Variants in CDK11B observed in about 807,000 individuals in gnomAD.
The protein encoded by CDK11B is cyclin dependent kinase 11B, also known as cyclin-dependent kinase 11B.
A neutral mutation model predicts 84.0 loss-of-function variants in CDK11B; 37 were observed. That is an observed-to-expected ratio of 0.44 (90% CI 0.34 to 0.58). The LOEUF is 0.58. Ranked by LOEUF, CDK11B falls within the 20% of genes least tolerant of loss-of-function variation. The probability of loss-of-function intolerance (pLI) is 0.02; values close to 1 mark genes in which losing one functional copy is unlikely to be tolerated. For synonymous variants in CDK11B, 269 were observed against 309.8 expected (o/e 0.87, Z 1.38); for missense variants, 427 against 834.0 (o/e 0.51, Z 6.01).
In CDK11B at chr1:1,640,269, G is replaced by A; in HGVS notation, c.1251+8C>T. 1.2e-6 allele frequency: 2 copies of A among 1,613,152 alleles called. No homozygotes were observed. The highest frequency in any genetic ancestry group is 2.2e-5 in the South Asian group (2 of 91,020). On this transcript the variant is annotated splice_region_variant and intron_variant, in intron 11 of 19. Transcript: ENST00000341832. ...GGACAGTGGCCCGGGGCGAGGGGAG[G>A]GCCTGACCTGCAGGGCCGGCAGGTA...
intron 9 of CDK11B, among the ~76,000 whole-genome samples, chr1:1,641,342 C>T (rs879073581): frequency 2.1e-5 from 3 of 141,398 alleles, no homozygotes; most frequent in South Asian, 2.3e-4. Flanking sequence ...AACCCCGTCT[C>T]GACTAAAAAT....
chr1:1,658,951 G>T lies in CDK11B; in HGVS notation c.-51C>A. On this transcript the variant is annotated 5_prime_UTR_variant, in exon 1 of 20. Transcript: ENST00000341832. ...GCCGCTGCCGCCGCCGCCGCCGCCG[G>T]TCCCGGAGCCAGAGAAGAAACAGCA... 4.9e-6 allele frequency: 1 copy of T among 205,898 alleles called. No individual in the cohort carries two copies. The highest frequency in any genetic ancestry group is 5.9e-5 in the South Asian group (1 of 17,082). 12.8% of individuals were successfully genotyped at this position (205,898 alleles called of 1,614,324 possible).
intron 5 of CDK11B, among the ~76,000 whole-genome samples, chr1:1,648,126 T>G (rs1641412607): frequency 6.6e-6 from 1 of 152,270 alleles, no homozygotes; most frequent in South Asian, 2.1e-4. Flanking sequence ...ACGTAGCATA[T>G]GCTACCATAC....
intron 9 of CDK11B, 46 bp from the exon 10 acceptor site, chr1:1,641,159 T>A: frequency 6.7e-7 from 1 of 1,500,302 alleles, no homozygotes; most frequent in Non-Finnish European, 8.9e-7. Flanking sequence ...CCGGGGCGAG[T>A]GCTGCCACAG....
intron 5 of CDK11B, among the ~76,000 whole-genome samples, chr1:1,648,270 C>T (rs569084188): frequency 1.4e-4 from 21 of 152,218 alleles, no homozygotes; most frequent in African/African-American, 4.6e-4. Context: ...CCAACCTCCA[C>T]TTCTATCCCA....
intron 5 of CDK11B, among the ~76,000 whole-genome samples, chr1:1,647,995 C>T (rs868656117): frequency 1.3e-5 from 2 of 152,294 alleles, no homozygotes; most frequent in Non-Finnish European, 2.9e-5. Context: ...ACCCACAGCT[C>T]AGCAGTTTTC....
In CDK11B at chr1:1,637,170, G is replaced by C. The variant is rs1339904146; in HGVS notation, c.1603C>G (p.Arg535Gly). ...EVKTLMIQLL[R>G]GVKHLHDNWI... ...TTGTCGTGCAGGTGTTTCACCCCAC[G>C]CAGCAGCTGGATCATCAGGGTCTTC... Residue 535 changes from arginine (R) to glycine (G), a missense_variant, in exon 15 of 20, where the codon CGT (arginine) becomes GGT (glycine). Coordinates refer to ENST00000341832, the MANE Select transcript of CDK11B (RefSeq NM_033486.3). 6.2e-7 allele frequency: 1 copy of C among 1,613,530 alleles called. No individual in the cohort carries two copies. The highest frequency in any genetic ancestry group is 2.2e-5 in the East Asian group (1 of 44,872).
At chr1:1,652,089 G>A (rs1256230378) in intron 4 of CDK11B, among the ~76,000 whole-genome samples, 1 of 150,312 alleles carries the variant, frequency 6.7e-6, no homozygotes, top group South Asian at 2.1e-4. Context: ...CCTTCTGAAC[G>A]GTCTGTGACA....
chr1:1,648,388 C>G (rs1240465395), intron 5 of CDK11B, among the ~76,000 whole-genome samples: 5 of 152,256 alleles, frequency 3.3e-5, no homozygotes, highest in African/African-American at 9.7e-5. Flanking sequence ...CCTTGCTCAC[C>G]CCGCAGCGGT....
Position 1,637,407 on chromosome 1 carries a change from C to T in CDK11B, c.1570+1G>A, listed in dbSNP as rs1239646842. 8 of 1,613,520 alleles carry T rather than the reference C, an allele frequency of 5.0e-6. No individual in the cohort carries two copies. The highest frequency in any genetic ancestry group is 6.8e-6 in the Non-Finnish European group (8 of 1,179,694). On this transcript the variant is annotated splice_donor_variant, in intron 14 of 19. Coordinates refer to ENST00000341832, the MANE Select transcript of CDK11B (RefSeq NM_033486.3). LOFTEE classifies it high-confidence loss of function. ...GACAGGCCCCTGGGGCGCGGCTGTACCTGGCAGGAAGGGCTGTTTCATGGT... is the reference window on the plus strand; with the variant it reads ...GACAGGCCCCTGGGGCGCGGCTGTATCTGGCAGGAAGGGCTGTTTCATGGT...
intron 5 of CDK11B, among the ~76,000 whole-genome samples, chr1:1,647,768 A>C (rs1254776819): frequency 6.6e-6 from 1 of 152,230 alleles, no homozygotes; most frequent in Admixed American, 6.5e-5. Context: ...TCATTCTAGC[A>C]GACCTCTTGG....
chr1:1,649,441 G>T, intron 5 of CDK11B, 58 bp downstream of exon 5: 3 of 1,274,788 alleles, frequency 2.4e-6, no homozygotes, highest in Non-Finnish European at 2.3e-6. Flanking sequence ...TCATTTCTAG[G>T]ATGGGACACA....
chr1:1,649,745 C>A (rs1390461896), intron 4 of CDK11B, 108 bp from the exon 5 acceptor site: 8 of 1,055,770 alleles, frequency 7.6e-6, no homozygotes, highest in South Asian at 1.5e-5. Context: ...GAGGCTGAGG[C>A]GGGCGGATCA....
In CDK11B at chr1:1,641,229, C is replaced by T; in HGVS notation, c.1010-116G>A. 9 of 1,542,674 alleles carry T rather than the reference C, an allele frequency of 5.8e-6. 1 individual carries two copies. Among genetic ancestry groups the T allele is most frequent in the South Asian group, 1.2e-5 (1 of 86,310 alleles). On this transcript the variant is annotated intron_variant, in intron 9 of 19. Coordinates refer to ENST00000341832, the MANE Select transcript of CDK11B (RefSeq NM_033486.3). ...GTGTTCCCAAGAATGGATATGCAGG[C>T]CGGGCGCGGTGGCTCACGCCTGTAA...
chr1:1,652,722 G>T (rs1314962224), intron 3 of CDK11B, among the ~76,000 whole-genome samples, 156 bp from the exon 4 acceptor site: 34 of 151,944 alleles, frequency 2.2e-4, no homozygotes, highest in Non-Finnish European at 4.4e-4. Flanking sequence ...CCAACTTTAG[G>T]CATCTTTTTT....
chr1:1,643,448 CAAAG>C, intron 6 of CDK11B, among the ~76,000 whole-genome samples: 1 of 151,658 alleles, frequency 6.6e-6, no homozygotes, highest in African/African-American at 2.4e-5. Flanking sequence ...ACAAGAGAAA[CAAAG>C]AAATAGGACA....
In CDK11B at chr1:1,637,516, G is replaced by A. The variant is rs374328905; in HGVS notation, c.1465-3C>T. The A allele has an allele frequency of 6.2e-7, 1 of 1,613,100 alleles. No homozygotes were observed. The highest frequency in any genetic ancestry group is 8.5e-7 in the Non-Finnish European group (1 of 1,179,440). Reference sequence around the variant, plus strand: ...ATGTTGCTGCCCACCACAATCTCCTGCAGGGCACGGCTCTGTGGGTGCTGG... The same window carrying A: ...ATGTTGCTGCCCACCACAATCTCCTACAGGGCACGGCTCTGTGGGTGCTGG... On this transcript the variant is annotated splice_polypyrimidine_tract_variant and splice_region_variant and intron_variant, in intron 13 of 19. Coordinates refer to ENST00000341832, the MANE Select transcript of CDK11B (RefSeq NM_033486.3).
chr1:1,652,296 G>T, intron 4 of CDK11B, 143 bp downstream of exon 4: 1 of 630,558 alleles, frequency 1.6e-6, no homozygotes, highest in Non-Finnish European at 2.4e-6. Context: ...TAGCCATTCT[G>T]AACGGTCTGT....
chr1:1,646,577 T>C (rs1394802985), intron 5 of CDK11B: 25 of 514,210 alleles, frequency 4.9e-5, no homozygotes, highest in Non-Finnish European at 7.8e-5. Context: ...TACAGGATAT[T>C]GACGTCAACC....
Sources: allele counts gnomAD v4.1 joint callset (sites outside exome capture counted in the v4.1 genomes callset), GRCh38; gene constraint gnomAD v4.1.1; transcripts MANE v1.5; gene names NCBI Gene and HGNC (gene_info 2026-07-23, HGNC 2026-07-21).